Variants in GRM7 observed in about 807,000 individuals in gnomAD.
GRM7 encodes the protein metabotropic glutamate receptor 7.
In GRM7, 35 loss-of-function variants were observed where a neutral mutation model predicts 84.5. That is an observed-to-expected ratio of 0.41 (90% CI 0.32 to 0.55). GRM7 has a LOEUF of 0.55. Ranked by LOEUF, GRM7 falls within the 20% of genes least tolerant of loss-of-function variation. The pLI is 0.19. For synonymous variants in GRM7, 487 were observed against 455.1 expected (o/e 1.07, Z -0.89); for missense variants, 1,003 against 1,194.6 (o/e 0.84, Z 2.36).
At chr3:6,914,536 G>A (rs1696877910) in intron 1 of GRM7, among the ~76,000 whole-genome samples, 1 of 151,926 alleles carries the variant, frequency 6.6e-6, no homozygotes, top group Non-Finnish European at 1.5e-5. Context: ...CTGAGTAGCT[G>A]GGATTACAGG....
At chr3:7,138,160 T>G (rs1268380264) in intron 1 of GRM7, among the ~76,000 whole-genome samples, 1 of 151,954 alleles carries the variant, frequency 6.6e-6, no homozygotes, top group Non-Finnish European at 1.5e-5. Context: ...GGCTATCTAC[T>G]CAAAAACAAA....
chr3:7,065,858 G>A (rs908552281), intron 1 of GRM7, among the ~76,000 whole-genome samples: 3 of 151,700 alleles, frequency 2.0e-5, no homozygotes, highest in Admixed American at 6.6e-5. Flanking sequence ...AATACAACTG[G>A]AAATCAACTC....
chr3:6,890,878 T>C (rs1279982521), intron 1 of GRM7, among the ~76,000 whole-genome samples: 1 of 152,172 alleles, frequency 6.6e-6, no homozygotes, highest in East Asian at 1.9e-4. Context: ...AGTGTCTTTG[T>C]AGGTCACTCA....
At chr3:7,481,626 A>G (rs1020715236) in intron 7 of GRM7, among the ~76,000 whole-genome samples, 2 of 152,050 alleles carry the variant, frequency 1.3e-5, no homozygotes, top group Non-Finnish European at 1.5e-5. Context: ...GATAATGATA[A>G]CTCTTATTGC....
rs369565835 is a variant in GRM7 at position 7,161,165 on chromosome 3, C to T, written c.736+14497C>T. Among the ~76,000 whole-genome samples, 90 of 151,574 alleles carry T rather than the reference C, an allele frequency of 5.9e-4. 2 individuals carry two copies. In the East Asian group the frequency reaches 8.2e-3, roughly 14 times the overall value. Reference sequence around the variant, plus strand: ...AAGGTGGTCCTCCTCTCATGCTGACCCCATCTTTACTGTACAGTTCACTTT... The same window carrying T: ...AAGGTGGTCCTCCTCTCATGCTGACTCCATCTTTACTGTACAGTTCACTTT... On this transcript the variant is annotated intron_variant, in intron 2 of 9. Coordinates refer to ENST00000357716, the MANE Select transcript of GRM7 (RefSeq NM_000844.4).
intron 1 of GRM7, among the ~76,000 whole-genome samples, chr3:6,984,883 G>A (rs912430140): frequency 6.6e-6 from 1 of 152,164 alleles, no homozygotes; most frequent in Non-Finnish European, 1.5e-5. Context: ...CTGACTTAAT[G>A]TATTATTCCA....
At chr3:7,307,005 T>G (rs928603058) in intron 4 of GRM7, among the ~76,000 whole-genome samples, 1 of 152,150 alleles carries the variant, frequency 6.6e-6, no homozygotes, top group African/African-American at 2.4e-5. Flanking sequence ...ATCCTTTCAC[T>G]TTGTAACGCA....
chr3:7,212,137 C>T (rs937731480), intron 2 of GRM7, among the ~76,000 whole-genome samples: 4 of 151,950 alleles, frequency 2.6e-5, no homozygotes, highest in African/African-American at 9.7e-5. Flanking sequence ...TAGTATTAAT[C>T]CCCCTTCTAA....
intron 7 of GRM7, among the ~76,000 whole-genome samples, chr3:7,465,984 T>C (rs1440824250): frequency 6.6e-6 from 1 of 152,174 alleles, no homozygotes; most frequent in African/African-American, 2.4e-5. Context: ...TACCAGGATA[T>C]TTCTGCTGAA....
intron 8 of GRM7, among the ~76,000 whole-genome samples, chr3:7,644,124 G>GTGTGTC (rs1698496609): frequency 2.5e-5 from 2 of 79,282 alleles, no homozygotes; most frequent in Admixed American, 2.7e-4. Context: ...TGCATGTTGT[G>GTGTGTC]TGTGTGTGTG....
At chr3:7,098,985 T>G (rs568386043) in intron 1 of GRM7, among the ~76,000 whole-genome samples, 1 of 151,860 alleles carries the variant, frequency 6.6e-6, no homozygotes, top group Non-Finnish European at 1.5e-5. Flanking sequence ...TCAGTACTTA[T>G]GAAGTTTTAG....
At chr3:7,091,259 G>A (rs1361423502) in intron 1 of GRM7, among the ~76,000 whole-genome samples, 2 of 151,718 alleles carry the variant, frequency 1.3e-5, no homozygotes, top group African/African-American at 4.8e-5. Context: ...AGCAACCCAT[G>A]AACTTGCTAA....
At chr3:6,923,039 G>A (rs1468254882) in intron 1 of GRM7, among the ~76,000 whole-genome samples, 9 of 150,630 alleles carry the variant, frequency 6.0e-5, no homozygotes, top group Non-Finnish European at 7.4e-5. Context: ...TTTTTGCAAC[G>A]GAGTCTTGCT....
intron 1 of GRM7, among the ~76,000 whole-genome samples, chr3:6,980,724 T>A (rs904344232): frequency 2.0e-5 from 3 of 152,024 alleles, no homozygotes; most frequent in African/African-American, 7.3e-5. Context: ...CTTACTAGAG[T>A]GAAATTAGGA....
chr3:6,992,367 G>A lies in GRM7; in HGVS notation c.519+130460G>A, dbSNP rs532714884. On this transcript the variant is annotated intron_variant, in intron 1 of 9. Coordinates refer to ENST00000357716, the MANE Select transcript of GRM7 (RefSeq NM_000844.4). The stretch of plus-strand genomic sequence containing the variant: ...AGTAGAAGAGATAATATGCACATAC[G>A]TTTAACTGCAGTGTAATGCAGAATT... Among the ~76,000 whole-genome samples the A allele has an allele frequency of 5.9e-5, 9 of 152,276 alleles. No individual in the cohort carries two copies. In the East Asian group the frequency reaches 1.2e-3, roughly 20 times the overall value.
chr3:7,576,215 C>T (rs1326752124), intron 7 of GRM7, among the ~76,000 whole-genome samples: 1 of 152,186 alleles, frequency 6.6e-6, no homozygotes, highest in Admixed American at 6.5e-5. Context: ...CGATCTTTCT[C>T]TCTTGTCATA....
intron 2 of GRM7, among the ~76,000 whole-genome samples, chr3:7,215,886 C>T (rs942614293): frequency 7.9e-5 from 12 of 152,076 alleles, no homozygotes; most frequent in East Asian, 7.7e-4. Flanking sequence ...TCAACTTTCC[C>T]GCCAACTGAA....
intron 8 of GRM7, among the ~76,000 whole-genome samples, chr3:7,625,660 C>T (rs1305175894): frequency 6.6e-6 from 1 of 152,136 alleles, no homozygotes; most frequent in Admixed American, 6.5e-5. Flanking sequence ...CAGAGCAAGA[C>T]CTGCCTCTAA....
chr3:7,121,364 TCCATCC>T (rs1464142832), intron 1 of GRM7, among the ~76,000 whole-genome samples: 16 of 151,842 alleles, frequency 1.1e-4, no homozygotes, highest in Admixed American at 7.2e-4. Context: ...CATCCATCCA[TCCATCC>T]ATCCATCCAT....
Sources: allele counts gnomAD v4.1 joint callset (sites outside exome capture counted in the v4.1 genomes callset), GRCh38; gene constraint gnomAD v4.1.1; transcripts MANE v1.5; gene names NCBI Gene and HGNC (gene_info 2026-07-23, HGNC 2026-07-21).